The following MPDZ variants were observed in gnomAD, a reference collection of about 807,000 sequenced individuals.
The protein encoded by MPDZ is multiple PDZ domain protein.
MPDZ carries 234 observed loss-of-function variants against 239.1 expected under a neutral mutation model. The observed-to-expected ratio is 0.98, with a 90% confidence interval of 0.88 to 1.09. The LOEUF (loss-of-function observed/expected upper bound fraction) is 1.09, where lower values mean the gene tolerates loss of function less well. Among genes scored for constraint, MPDZ ranks in the 50% least tolerant of loss-of-function variants. The pLI is 0.00. For synonymous variants in MPDZ, 1,048 were observed against 881.3 expected, an observed-to-expected ratio of 1.19 and a Z score of -3.35; for missense variants, 3,175 against 2,510.0, an observed-to-expected ratio of 1.26 and a Z score of -5.66.
At chr9:13,260,693 T>C (rs1355848171) in intron 1 of MPDZ, among the ~76,000 whole-genome samples, 4 of 152,172 alleles carry the variant, frequency 2.6e-5, no homozygotes, top group Non-Finnish European at 4.4e-5. Flanking sequence ...GAGGAAAATC[T>C]GTCTCACTGT....
Position 13,202,257 on chromosome 9 carries a change from C to T in MPDZ, c.1546+2779G>A, listed in dbSNP as rs1466302435. ...TATTATTTCCTCTAGGGTAGGCTTA[C>T]AGTGAGCACTGAAAATTAAACACTG... On this transcript the variant is annotated intron_variant, in intron 12 of 46. Transcript: ENST00000319217. Among the ~76,000 whole-genome samples the T allele has an allele frequency of 2.0e-5, 3 of 152,142 alleles. No homozygotes were observed. In the East Asian group the frequency reaches 5.8e-4, roughly 29 times the overall value.
At chr9:13,122,546 A>C (rs1944512849) in intron 36 of MPDZ, among the ~76,000 whole-genome samples, 1 of 137,154 alleles carries the variant, frequency 7.3e-6, no homozygotes, top group Non-Finnish European at 1.5e-5. Flanking sequence ...TTTGAGACGT[A>C]GTCTCACTCT....
intron 12 of MPDZ, among the ~76,000 whole-genome samples, chr9:13,204,650 G>A (rs1956789137): frequency 6.6e-6 from 1 of 151,992 alleles, no homozygotes; most frequent in Non-Finnish European, 1.5e-5. Flanking sequence ...TGATTCTCCT[G>A]TGTTTATTTT....
intron 1 of MPDZ, among the ~76,000 whole-genome samples, chr9:13,253,896 T>C (rs757594088): frequency 2.0e-5 from 3 of 152,166 alleles, no homozygotes; most frequent in Non-Finnish European, 4.4e-5. Context: ...TTAAGTCCTT[T>C]AATACTTACA....
intron 3 of MPDZ, among the ~76,000 whole-genome samples, chr9:13,239,611 T>TG (rs1964888750): frequency 6.6e-6 from 1 of 152,110 alleles, no homozygotes; most frequent in Non-Finnish European, 1.5e-5. Context: ...ACTAGTTGTC[T>TG]GGCAAGGAAA....
At chr9:13,142,420 T>C (rs1332562333) in intron 27 of MPDZ, among the ~76,000 whole-genome samples, 1 of 152,172 alleles carries the variant, frequency 6.6e-6, no homozygotes, top group Non-Finnish European at 1.5e-5. Flanking sequence ...CTCATTCTCA[T>C]CAAGATCATG....
At position 13,247,758 on chromosome 9, in the gene MPDZ, C is replaced by G; in HGVS notation, c.60G>C (p.Lys20Asn). ...TTGCTACATCCCCACGTTCTCGCAG[C>G]TTGGTTTGCAAGCGCTCTGCTGCAT... is the stretch of plus-strand genomic sequence containing the variant. Reference protein sequence around the residue: ...ALHAAERLQTKLRERGDVANE... With the variant: ...ALHAAERLQTNLRERGDVANE... Residue 20 changes from lysine (K) to asparagine (N), a missense_variant, in exon 3 of 47, where the codon AAG becomes AAC. By Grantham distance (94) the Lys-to-Asn change is moderately conservative (BLOSUM62 0). Coordinates refer to ENST00000319217, the MANE Select transcript of MPDZ (RefSeq NM_001378778.1). 6.2e-7 allele frequency: 1 copy of G among 1,612,734 alleles called. No individual in the cohort carries two copies. The highest frequency in any genetic ancestry group is 1.1e-5 in the South Asian group (1 of 91,020).
At position 13,193,178 on chromosome 9, in the gene MPDZ, C is replaced by G. The variant is rs771930410; in HGVS notation, c.1792G>C (p.Glu598Gln). ...GHSGKLFSGD[E>Q]LLEVNGITLL... ...GCATAGCTCCTTACTTCCAATAGCT[C>G]GTCTCCACTGAAGAGCTTCCCGCTG... is the stretch of plus-strand genomic sequence containing the variant. The change falls in exon 14 of 47, where the codon GAG (glutamate) becomes CAG (glutamine). Residue 598 changes from glutamate (E) to glutamine (Q), a missense_variant. Coordinates refer to ENST00000319217, the MANE Select transcript of MPDZ (RefSeq NM_001378778.1). The G allele has an allele frequency of 6.3e-7, 1 of 1,579,282 alleles. No individual in the cohort carries two copies. The highest frequency in any genetic ancestry group is 8.6e-7 in the Non-Finnish European group (1 of 1,160,244).
At chr9:13,189,697 T>G (rs1954631466) in intron 16 of MPDZ, among the ~76,000 whole-genome samples, 2 of 152,166 alleles carry the variant, frequency 1.3e-5, no homozygotes, top group African/African-American at 4.8e-5. Context: ...ATTCATAAAT[T>G]TAGTCAAATG....
intron 32 of MPDZ, among the ~76,000 whole-genome samples, chr9:13,131,118 A>G (rs1268343338): frequency 6.6e-6 from 1 of 152,220 alleles, no homozygotes; most frequent in East Asian, 1.9e-4. Context: ...AAAAATGACA[A>G]AAGATTTCAG....
chr9:13,164,563 G>A (rs1481044260), intron 22 of MPDZ, among the ~76,000 whole-genome samples: 1 of 152,108 alleles, frequency 6.6e-6, no homozygotes, highest in Non-Finnish European at 1.5e-5. Flanking sequence ...ATAGCAATCA[G>A]TACGAAGTCT....
chr9:13,130,019 T>TTCA, intron 32 of MPDZ, among the ~76,000 whole-genome samples: 1 of 152,198 alleles, frequency 6.6e-6, no homozygotes. Context: ...TTCATCATAT[T>TTCA]TCAAGGCTTT....
chr9:13,239,185 C>G (rs572102769), intron 3 of MPDZ, among the ~76,000 whole-genome samples: 17 of 152,240 alleles, frequency 1.1e-4, no homozygotes, highest in African/African-American at 3.4e-4. Context: ...TATTAGACCA[C>G]GCTGCCACAA....
At chr9:13,175,939 T>C in intron 20 of MPDZ, 64 bp from the exon 21 acceptor site, 1 of 1,519,722 alleles carries the variant, frequency 6.6e-7, no homozygotes, top group Non-Finnish European at 8.8e-7. Flanking sequence ...GGAGCGTGAT[T>C]TCAACATCAC....
chr9:13,175,899 C>A, intron 20 of MPDZ, 24 bp from the exon 21 acceptor site: 2 of 1,573,104 alleles, frequency 1.3e-6, no homozygotes, highest in Non-Finnish European at 8.6e-7. Flanking sequence ...AAAGAAGTCA[C>A]AAGTCACATG....
intron 38 of MPDZ, among the ~76,000 whole-genome samples, chr9:13,121,143 C>A (rs1944280716): frequency 1.3e-5 from 2 of 152,174 alleles, no homozygotes; most frequent in Admixed American, 1.3e-4. Flanking sequence ...ACCACCCGGG[C>A]CCCCTGCTTT....
intron 6 of MPDZ, 46 bp from the exon 7 acceptor site, chr9:13,221,546 C>A (rs1247161763): frequency 6.3e-7 from 1 of 1,583,984 alleles, no homozygotes; most frequent in South Asian, 1.2e-5. Flanking sequence ...TTACAAAGCA[C>A]TACCATTTTA....
chr9:13,114,571 A>C (rs949647184), intron 40 of MPDZ, among the ~76,000 whole-genome samples: 1 of 152,154 alleles, frequency 6.6e-6, no homozygotes, highest in Non-Finnish European at 1.5e-5. Flanking sequence ...TTTTCAGTTG[A>C]ATATTGATTG....
At chr9:13,195,374 T>G (rs1295294398) in intron 13 of MPDZ, among the ~76,000 whole-genome samples, 1 of 152,186 alleles carries the variant, frequency 6.6e-6, no homozygotes, top group Non-Finnish European at 1.5e-5. Flanking sequence ...GCACAAAGTA[T>G]GCTATAAACG....
Sources: allele counts gnomAD v4.1 joint callset (sites outside exome capture counted in the v4.1 genomes callset), GRCh38; gene constraint gnomAD v4.1.1; transcripts MANE v1.5; gene names NCBI Gene and HGNC (gene_info 2026-07-23, HGNC 2026-07-21).